NEDD4L: variants seen among roughly 807,000 people sequenced by gnomAD.
NEDD4L encodes NEDD4 like E3 ubiquitin protein ligase, also known as E3 ubiquitin-protein ligase NEDD4-like.
NEDD4L carries 54 observed loss-of-function variants against 148.9 expected under a neutral mutation model. The ratio of observed to expected loss-of-function variants is 0.36; its 90% CI spans 0.29 to 0.45. The LOEUF (loss-of-function observed/expected upper bound fraction) is 0.45, where lower values mean the gene tolerates loss of function less well. Ranked by LOEUF, NEDD4L falls within the 20% of genes least tolerant of loss-of-function variation. The probability of loss-of-function intolerance (pLI) is 1.00; values close to 1 mark genes in which losing one functional copy is unlikely to be tolerated. For missense variants in NEDD4L, 856 were observed against 1,233.8 expected (o/e 0.69, Z 4.59); for synonymous variants, 433 against 440.7 (o/e 0.98, Z 0.22).
chr18:58,115,851 A>C (rs1039285253), intron 1 of NEDD4L, among the ~76,000 whole-genome samples: 1 of 152,090 alleles, frequency 6.6e-6, no homozygotes, highest in Non-Finnish European at 1.5e-5. Context: ...AAATAGGATT[A>C]TTTTTCCCTT....
chr18:58,367,607 C>T (rs2146149409), intron 21 of NEDD4L, 139 bp from the exon 22 acceptor site: 2 of 855,836 alleles, frequency 2.3e-6, no homozygotes, highest in Non-Finnish European at 3.7e-6. Flanking sequence ...AAGTCAGGTC[C>T]TCTAGCCCAC....
intron 5 of NEDD4L, among the ~76,000 whole-genome samples, chr18:58,272,189 A>G (rs1005837573): frequency 6.6e-5 from 10 of 152,324 alleles, no homozygotes; most frequent in East Asian, 1.9e-4. Flanking sequence ...GGATTTTACA[A>G]TATTAAATTC....
intron 9 of NEDD4L, among the ~76,000 whole-genome samples, chr18:58,328,040 C>A (rs1300155894): frequency 6.6e-6 from 1 of 151,968 alleles, no homozygotes; most frequent in Non-Finnish European, 1.5e-5. Context: ...TCTCAGCTCA[C>A]TGCAACCTCT....
intron 16 of NEDD4L, among the ~76,000 whole-genome samples, chr18:58,347,608 T>C (rs2043266135): frequency 1.3e-5 from 2 of 152,352 alleles, no homozygotes; most frequent in African/African-American, 4.8e-5. Flanking sequence ...GTCAGTGTAC[T>C]GCAGAATACT....
chr18:58,089,730 C>A (rs554613279), intron 1 of NEDD4L, among the ~76,000 whole-genome samples: 1 of 152,274 alleles, frequency 6.6e-6, no homozygotes, highest in African/African-American at 2.4e-5. Flanking sequence ...GGCCAGAAGC[C>A]TAAGATCAAG....
At chr18:58,210,534 C>T (rs560925335) in intron 2 of NEDD4L, among the ~76,000 whole-genome samples, 13 of 152,206 alleles carry the variant, frequency 8.5e-5, no homozygotes, top group African/African-American at 2.6e-4. Context: ...CTGCAACCTC[C>T]GCCTCCCAGG....
intron 2 of NEDD4L, among the ~76,000 whole-genome samples, chr18:58,189,439 C>T (rs899963008): frequency 4.6e-5 from 7 of 152,134 alleles, no homozygotes; most frequent in African/African-American, 1.4e-4. Context: ...TGTTTTAAAA[C>T]CCTCGATTTT....
In NEDD4L at chr18:58,322,427, A is replaced by G; in HGVS notation, c.351A>G (p.Thr117=). 1.2e-6 allele frequency: 2 copies of G among 1,603,868 alleles called. No homozygotes were observed. The highest frequency in any genetic ancestry group is 1.1e-5 in the South Asian group (1 of 90,528). Residue 117 remains threonine, a splice_region_variant and synonymous_variant, in exon 7 of 31, where the codon ACA becomes ACG. Coordinates refer to ENST00000400345, the MANE Select transcript of NEDD4L (RefSeq NM_001144967.3). ...AATTTACTGTTTTTTCCCCACAGACAGAAGATCCAACCATGGAGCGACCCT... is the reference window on the plus strand; with the variant it reads ...AATTTACTGTTTTTTCCCCACAGACGGAAGATCCAACCATGGAGCGACCCT... ...QVDVPLSHLP[T]EDPTMERPYT...
intron 1 of NEDD4L, among the ~76,000 whole-genome samples, chr18:58,093,367 ACTCATT>A (rs1305178133): frequency 2.0e-5 from 3 of 152,154 alleles, no homozygotes; most frequent in Non-Finnish European, 2.9e-5. Context: ...TGTACTAATC[ACTCATT>A]CTCATTCAGC....
chr18:58,112,432 G>A (rs1363837253), intron 1 of NEDD4L, among the ~76,000 whole-genome samples: 2 of 149,812 alleles, frequency 1.3e-5, no homozygotes, highest in Non-Finnish European at 1.5e-5. Flanking sequence ...CAGTTTGGTC[G>A]GTAAACTATC....
At chr18:58,259,193 C>G (rs1485639689) in intron 5 of NEDD4L, among the ~76,000 whole-genome samples, 6 of 152,074 alleles carry the variant, frequency 3.9e-5, no homozygotes, top group Admixed American at 1.3e-4. Flanking sequence ...ATGACTAAAT[C>G]TAAAATGTAA....
In NEDD4L at chr18:58,348,334, T is replaced by C. The variant is rs1236318129; in HGVS notation, c.1576-1203T>C. On this transcript the variant is annotated intron_variant, in intron 16 of 30. Coordinates refer to ENST00000400345, the MANE Select transcript of NEDD4L (RefSeq NM_001144967.3). ...TTCTTTTTCTTTTTTTTCTTTTTTT[T>C]TTTTTTTTTTTTTTTGAGACGGAGT... Among the ~76,000 whole-genome samples the C allele has an allele frequency of 1.0e-3, 136 of 132,420 alleles. 1 individual carries two copies. Among genetic ancestry groups the C allele is most frequent in the Non-Finnish European group, 1.1e-3 (69 of 62,652 alleles). The allele number at this position is 132,420 out of a possible 152,430, so 86.9% of individuals were successfully genotyped here. A position where few individuals can be genotyped will look rare whatever the true frequency, so the allele number is the denominator to read the frequency against.
intron 24 of NEDD4L, among the ~76,000 whole-genome samples, chr18:58,379,617 C>T (rs915136328): frequency 6.6e-6 from 1 of 152,202 alleles, no homozygotes; most frequent in Non-Finnish European, 1.5e-5. Flanking sequence ...CGTGCCCAAC[C>T]AGCAAGGACT....
At chr18:58,079,384 T>C (rs1254821983) in intron 1 of NEDD4L, among the ~76,000 whole-genome samples, 1 of 152,186 alleles carries the variant, frequency 6.6e-6, no homozygotes, top group Non-Finnish European at 1.5e-5. Flanking sequence ...TTCATACGCT[T>C]CCTCAGTAAT....
At chr18:58,187,826 C>T (rs111990113) in intron 2 of NEDD4L, among the ~76,000 whole-genome samples, 2 of 152,114 alleles carry the variant, frequency 1.3e-5, no homozygotes, top group Admixed American at 6.6e-5. Context: ...CCCCCACCCC[C>T]ATGTGCATTT....
At position 58,173,948 on chromosome 18, in the gene NEDD4L, T is replaced by G. The variant is rs190753994; in HGVS notation, c.122+8087T>G. Among the ~76,000 whole-genome samples, 343 of 152,282 alleles carry G rather than the reference T, an allele frequency of 2.3e-3. 2 individuals are homozygous for G. Among genetic ancestry groups the G allele is most frequent in the Middle Eastern group, 3.4e-3 (1 of 294 alleles). ...TTAACCTAGAATAGTGATAAAAGCT[T>G]TTTACTCTTGGTCTCTTTGCAAACT... On this transcript the variant is annotated intron_variant, in intron 2 of 30. Coordinates refer to ENST00000400345, the MANE Select transcript of NEDD4L (RefSeq NM_001144967.3).
intron 27 of NEDD4L, chr18:58,388,754 G>T: frequency 3.4e-6 from 1 of 292,272 alleles, no homozygotes; most frequent in Non-Finnish European, 6.6e-6. Flanking sequence ...CCAGGGTAAT[G>T]CACAGATGCT....
intron 16 of NEDD4L, 111 bp from the exon 17 acceptor site, chr18:58,349,426 G>A (rs2043584675): frequency 1.3e-6 from 1 of 789,138 alleles, no homozygotes; most frequent in Non-Finnish European, 2.2e-6. Flanking sequence ...CACGCTCCAG[G>A]CATGGACAGC....
At chr18:58,151,800 G>T (rs1275056444) in intron 1 of NEDD4L, among the ~76,000 whole-genome samples, 1 of 152,090 alleles carries the variant, frequency 6.6e-6, no homozygotes, top group Non-Finnish European at 1.5e-5. Context: ...GTGAGGTGGG[G>T]TGGTGTGAGC....
Sources: gnomAD v4.1 joint callset for allele counts (sites outside exome capture counted in the v4.1 genomes callset) on GRCh38, gnomAD v4.1.1 for gene constraint, MANE v1.5 for transcripts, NCBI Gene and HGNC (gene_info 2026-07-23, HGNC 2026-07-21) for gene names.